DNAH11: variants seen among roughly 807,000 people sequenced by gnomAD.
DNAH11 encodes dynein axonemal heavy chain 11.
Under a neutral mutation model 526.0 loss-of-function variants are expected in DNAH11, and 442 were observed. The ratio of observed to expected loss-of-function variants is 0.84; its 90% CI spans 0.78 to 0.91. DNAH11 has a LOEUF of 0.91. Ranked by LOEUF, DNAH11 falls within the 40% of genes least tolerant of loss-of-function variation. The pLI, the probability that DNAH11 is intolerant of heterozygous loss-of-function variation, is 0.00. For missense variants in DNAH11, 6,989 were observed against 5,448.7 expected (o/e 1.28, Z -8.90); for synonymous variants, 2,461 against 1,935.9 (o/e 1.27, Z -7.12).
chr7:21,849,341 C>G (rs1782537099), intron 66 of DNAH11, among the ~76,000 whole-genome samples: 2 of 152,156 alleles, frequency 1.3e-5, no homozygotes. Flanking sequence ...GCTTTTATTA[C>G]TGTTTTGAAC....
chr7:21,898,899 TATCA>T (rs1267595914), intron 79 of DNAH11, among the ~76,000 whole-genome samples: 1 of 152,176 alleles, frequency 6.6e-6, no homozygotes, highest in Non-Finnish European at 1.5e-5. Flanking sequence ...TCCCTCTGCT[TATCA>T]ATCAGATTTC....
intron 62 of DNAH11, among the ~76,000 whole-genome samples, chr7:21,806,451 A>T (rs1450584983): frequency 6.6e-6 from 1 of 152,196 alleles, no homozygotes; most frequent in Admixed American, 6.5e-5. Context: ...ACTTGGGGTG[A>T]TCTTTAATAA....
rs917270968 is a variant in DNAH11 at position 21,816,144 on chromosome 7, C to T, written c.10333-323C>T. Among the ~76,000 whole-genome samples, 3 of 152,120 alleles carry T rather than the reference C, an allele frequency of 2.0e-5. No homozygotes were observed. In the South Asian group the frequency reaches 6.2e-4, roughly 32 times the overall value. On this transcript the variant is annotated intron_variant, in intron 63 of 81. Transcript: ENST00000409508. Reference sequence around the variant, plus strand: ...GATTGCTCCATGGGCAAATATATTTCTGGTGTCCTGCCATTCTTCCTGGGG... The same window carrying T: ...GATTGCTCCATGGGCAAATATATTTTTGGTGTCCTGCCATTCTTCCTGGGG...
chr7:21,584,128 C>T (rs532278230), intron 9 of DNAH11, among the ~76,000 whole-genome samples: 117 of 152,294 alleles, frequency 7.7e-4, no homozygotes, highest in African/African-American at 2.7e-3. Flanking sequence ...CACATGCACA[C>T]ATATGTTTAT....
intron 8 of DNAH11, among the ~76,000 whole-genome samples, chr7:21,575,532 T>G (rs1351409836): frequency 2.0e-5 from 3 of 152,244 alleles, no homozygotes. Context: ...ACAGATTTCA[T>G]CTTTATTAGT....
intron 27 of DNAH11, among the ~76,000 whole-genome samples, chr7:21,638,597 C>T (rs1396824638): frequency 1.3e-5 from 2 of 151,984 alleles, no homozygotes; most frequent in African/African-American, 4.8e-5. Context: ...AGGATGGCGA[C>T]CTAGTCTTCT....
At chr7:21,867,789 C>T in intron 71 of DNAH11, 70 bp from the exon 72 acceptor site, 1 of 1,464,602 alleles carries the variant, frequency 6.8e-7, no homozygotes, top group East Asian at 2.5e-5. Context: ...GTGGTTTAAG[C>T]TTATCCAAAT....
At chr7:21,814,550 G>A (rs989008853) in intron 63 of DNAH11, among the ~76,000 whole-genome samples, 18 of 126,920 alleles carry the variant, frequency 1.4e-4, no homozygotes, top group Admixed American at 4.1e-4. Flanking sequence ...AGAGTGTGAT[G>A]TTCCCCTTCC....
chr7:21,705,001 G>T (rs986008973), intron 38 of DNAH11, among the ~76,000 whole-genome samples: 7 of 152,220 alleles, frequency 4.6e-5, no homozygotes, highest in African/African-American at 1.4e-4. Context: ...ATGACAACAT[G>T]TATGAGAATA....
intron 40 of DNAH11, among the ~76,000 whole-genome samples, chr7:21,708,631 C>T (rs1019026052): frequency 3.9e-5 from 6 of 152,304 alleles, no homozygotes; most frequent in East Asian, 1.9e-4. Context: ...TCCCTGCCCC[C>T]GTCCCCAAAT....
chr7:21,778,860 AT>A (rs1562540386), intron 56 of DNAH11, 97 bp from the exon 57 acceptor site: 1 of 1,426,952 alleles, frequency 7.0e-7, no homozygotes. Flanking sequence ...CAAGATACAA[AT>A]TGTTAGAGAT....
At chr7:21,586,512 C>T (rs1258582227) in intron 9 of DNAH11, among the ~76,000 whole-genome samples, 1 of 152,068 alleles carries the variant, frequency 6.6e-6, no homozygotes, top group Non-Finnish European at 1.5e-5. Context: ...AAATTGATCC[C>T]TAAGGTATAG....
intron 60 of DNAH11, among the ~76,000 whole-genome samples, chr7:21,788,626 AAAC>A (rs765132441): frequency 4.6e-5 from 7 of 152,304 alleles, no homozygotes; most frequent in Non-Finnish European, 1.0e-4. Context: ...TGGTCCATTC[AAAC>A]AACATGTGCT....
At chr7:21,582,778 T>C (rs542877837) in intron 9 of DNAH11, among the ~76,000 whole-genome samples, 1 of 152,182 alleles carries the variant, frequency 6.6e-6, no homozygotes, top group East Asian at 1.9e-4. Context: ...GGGTTCAATA[T>C]CAGAAGAAAA....
intron 54 of DNAH11, among the ~76,000 whole-genome samples, chr7:21,753,785 C>T (rs1464199124): frequency 6.6e-6 from 1 of 152,074 alleles, no homozygotes; most frequent in Non-Finnish European, 1.5e-5. Flanking sequence ...TCTACTTATT[C>T]TCCTGTGTTT....
rs867862981 is a variant in DNAH11, at chr7:21,705,636, A to G, written c.6546+99A>G. 8 of 1,133,302 alleles carry G rather than the reference A, an allele frequency of 7.1e-6. No homozygotes were observed. In the African/African-American group the frequency reaches 1.1e-4, roughly 15 times the overall value. 70.2% of individuals were successfully genotyped at this position (1,133,302 alleles called of 1,614,324 possible). On this transcript the variant is annotated intron_variant, in intron 39 of 81. Transcript: ENST00000409508. ...ATGCTACTCAAAAGAATTCCCCTCC[A>G]TGAAGCCCACCATAATTTTGGGTCA...
At chr7:21,874,586 T>C (rs1395669306) in intron 74 of DNAH11, among the ~76,000 whole-genome samples, 1 of 152,146 alleles carries the variant, frequency 6.6e-6, no homozygotes, top group South Asian at 2.1e-4. Context: ...TCTGTTCACC[T>C]TGGCCTCCCA....
intron 2 of DNAH11, among the ~76,000 whole-genome samples, chr7:21,557,428 G>A (rs1477222673): frequency 6.6e-6 from 1 of 152,146 alleles, no homozygotes; most frequent in African/African-American, 2.4e-5. Flanking sequence ...AATCAAGCCA[G>A]TAGTGAATTC....
Position 21,702,697 on chromosome 7 carries a change from G to T in DNAH11, c.6181-13G>T, listed in dbSNP as rs755474866. The T allele has an allele frequency of 6.2e-7, 1 of 1,611,068 alleles. No homozygotes were observed. Among genetic ancestry groups the T allele is most frequent in the Non-Finnish European group, 8.5e-7 (1 of 1,177,906 alleles). The stretch of plus-strand genomic sequence containing the variant: ...ATACAATTTTTGAGAAAATAAACCT[G>T]TTTTGATTTTAGGATCATTACGACT... On this transcript the variant is annotated splice_polypyrimidine_tract_variant and intron_variant, in intron 36 of 81. Transcript: ENST00000409508.
Sources: allele counts gnomAD v4.1 joint callset (sites outside exome capture counted in the v4.1 genomes callset), GRCh38; gene constraint gnomAD v4.1.1; transcripts MANE v1.5; gene names NCBI Gene and HGNC (gene_info 2026-07-23, HGNC 2026-07-21).